The following RPS6KA2 variants were observed in gnomAD, a reference collection of about 807,000 sequenced individuals.
RPS6KA2 encodes ribosomal protein S6 kinase alpha-2.
In RPS6KA2, 42 loss-of-function variants were observed where a neutral mutation model predicts 91.8. That is an observed-to-expected ratio of 0.46 (90% confidence interval 0.36 to 0.59). The LOEUF is 0.59. Among genes scored for constraint, RPS6KA2 ranks in the 20% least tolerant of loss-of-function variants. RPS6KA2 has a pLI of 0.00. For missense variants in RPS6KA2, 798 were observed against 978.5 expected (o/e 0.82, Z 2.46); for synonymous variants, 414 against 393.6 (o/e 1.05, Z -0.61).
intron 1 of RPS6KA2, among the ~76,000 whole-genome samples, chr6:166,610,270 G>C (rs1414501377): frequency 6.6e-6 from 1 of 152,222 alleles, no homozygotes; most frequent in East Asian, 1.9e-4. Flanking sequence ...CAGTAGCACA[G>C]AAGGTAAATG....
intron 2 of RPS6KA2, among the ~76,000 whole-genome samples, chr6:166,795,951 G>T: frequency 6.6e-6 from 1 of 152,206 alleles, no homozygotes; most frequent in Non-Finnish European, 1.5e-5. Flanking sequence ...AGATGCTGTG[G>T]GGACCCACTT....
rs529804469 is a variant in RPS6KA2, at chr6:166,685,753, G to T, written c.124-146969C>A. Reference sequence around the variant, plus strand: ...CCTTGTAGGACTGAGGTTCAAGCTGGGTTCACACAGCCAGGTACTTGGTGC... The same window carrying T: ...CCTTGTAGGACTGAGGTTCAAGCTGTGTTCACACAGCCAGGTACTTGGTGC... On this transcript the variant is annotated intron_variant, in intron 2 of 21. Transcript: ENST00000503859. 5.3e-5 allele frequency among the ~76,000 whole-genome samples: 8 copies of T among 152,266 alleles called. No individual in the cohort carries two copies. The South Asian group carries it at 1.7e-3, about 32-fold the overall frequency.
chr6:166,644,075 T>C (rs1427406139), intron 2 of RPS6KA2, among the ~76,000 whole-genome samples: 1 of 152,204 alleles, frequency 6.6e-6, no homozygotes, highest in Admixed American at 6.5e-5. Flanking sequence ...TGCCACAGGA[T>C]GGAAGTGCAG....
At chr6:166,581,935 G>A (rs1251429693) in intron 1 of RPS6KA2, among the ~76,000 whole-genome samples, 1 of 144,792 alleles carries the variant, frequency 6.9e-6, no homozygotes, top group Non-Finnish European at 1.5e-5. Context: ...CTGGGCAGGA[G>A]GGCACAGGGA....
intron 1 of RPS6KA2, among the ~76,000 whole-genome samples, chr6:166,546,144 T>C (rs1416048671): frequency 6.6e-6 from 1 of 152,180 alleles, no homozygotes; most frequent in Non-Finnish European, 1.5e-5. Context: ...TAAAGACTCA[T>C]TACTAGCATC....
chr6:166,503,764 AAAC>A (rs539965228), intron 6 of RPS6KA2, among the ~76,000 whole-genome samples: 34 of 152,344 alleles, frequency 2.2e-4, no homozygotes, highest in African/African-American at 7.0e-4. Flanking sequence ...GAATATGTAA[AAAC>A]AACAACAACA....
intron 2 of RPS6KA2, among the ~76,000 whole-genome samples, chr6:166,703,515 T>C (rs1789592426): frequency 6.6e-6 from 1 of 152,236 alleles, no homozygotes; most frequent in Non-Finnish European, 1.5e-5. Flanking sequence ...TACCGTGTAG[T>C]TTATAATCAC....
intron 2 of RPS6KA2, among the ~76,000 whole-genome samples, chr6:166,717,408 C>T (rs915063967): frequency 1.3e-5 from 2 of 152,168 alleles, no homozygotes; most frequent in Admixed American, 1.3e-4. Flanking sequence ...AAGAGGCTGG[C>T]GCTGGGCACA....
chr6:166,569,145 G>A (rs911400304), intron 1 of RPS6KA2, among the ~76,000 whole-genome samples: 5 of 151,596 alleles, frequency 3.3e-5, no homozygotes, highest in African/African-American at 9.8e-5. Context: ...AGCATGTCCC[G>A]TATAATTATT....
intron 1 of RPS6KA2, among the ~76,000 whole-genome samples, chr6:166,591,116 G>T (rs1002034412): frequency 2.6e-5 from 4 of 152,228 alleles, no homozygotes; most frequent in African/African-American, 7.2e-5. Flanking sequence ...GTACAAAAAG[G>T]TTGCAGCCCA....
rs1289905085 is a variant in RPS6KA2, at chr6:166,448,357, C to T, written c.1332+367G>A. On this transcript the variant is annotated intron_variant, in intron 14 of 20. Coordinates refer to ENST00000265678, the MANE Select transcript of RPS6KA2 (RefSeq NM_021135.6). This position sits in a 1 kb window ranked among gnomAD's most constrained non-coding sequence, Gnocchi z 4.7. ...TTGGTGTATGTCATACACCAAGCTA[C>T]GAAAGGTGCTCAGTCCCTGCGTGGT... is the stretch of plus-strand genomic sequence containing the variant. 6.6e-6 allele frequency among the ~76,000 whole-genome samples: 1 copy of T among 152,146 alleles called. No homozygotes were observed. Among genetic ancestry groups the T allele is most frequent in the Admixed American group, 6.5e-5 (1 of 15,278 alleles).
intron 10 of RPS6KA2, among the ~76,000 whole-genome samples, chr6:166,479,972 C>A (rs1234670037): frequency 1.3e-5 from 2 of 152,108 alleles, no homozygotes; most frequent in African/African-American, 4.8e-5. Flanking sequence ...ACATAGTATC[C>A]CCTGTGTAGA....
At position 166,418,747 on chromosome 6, in the gene RPS6KA2, G is replaced by C. The variant is rs866776157; in HGVS notation, c.1821-405C>G. ...TTCCCAACTCTGTGTTCTTTGACAAGTTAACTTTTTGAGCCTCCACTGCAA... is the reference window on the plus strand; with the variant it reads ...TTCCCAACTCTGTGTTCTTTGACAACTTAACTTTTTGAGCCTCCACTGCAA... On this transcript the variant is annotated intron_variant, in intron 18 of 20. Coordinates refer to ENST00000265678, the MANE Select transcript of RPS6KA2 (RefSeq NM_021135.6). The surrounding 1 kb of genome is among the most constrained non-coding windows in gnomAD (Gnocchi z 4.9). Among the ~76,000 whole-genome samples the C allele has an allele frequency of 2.0e-5, 3 of 152,268 alleles. No homozygotes were observed. The highest frequency in any genetic ancestry group is 7.2e-5 in the African/African-American group (3 of 41,472).
intron 2 of RPS6KA2, among the ~76,000 whole-genome samples, chr6:166,832,636 C>G (rs75539067): frequency 0.13 from 19,739 of 152,092 alleles, 1,500 homozygotes; most frequent in East Asian, 0.28. Context: ...GCTGGGAGGT[C>G]GCAGTGCCCC....
chr6:166,713,342 A>G (rs1390482878), intron 2 of RPS6KA2, among the ~76,000 whole-genome samples: 1 of 152,230 alleles, frequency 6.6e-6, no homozygotes, highest in East Asian at 1.9e-4. Flanking sequence ...TTGTTTTAAT[A>G]AAGTCATGCT....
chr6:166,490,891 G>A lies in RPS6KA2; in HGVS notation c.748-150C>T. ...TTGTAGCCACTGGCCTACGTGCTTG[G>A]GGTACAACAGTGACTAAAACTGCCT... On this transcript the variant is annotated intron_variant, in intron 8 of 20. Coordinates refer to ENST00000265678, the MANE Select transcript of RPS6KA2 (RefSeq NM_021135.6). This position sits in a 1 kb window ranked among gnomAD's most constrained non-coding sequence, Gnocchi z 4.2. 1.6e-6 allele frequency: 1 copy of A among 622,416 alleles called. No individual in the cohort carries two copies. Among genetic ancestry groups the A allele is most frequent in the South Asian group, 2.0e-5 (1 of 49,114 alleles). 38.6% of individuals were successfully genotyped at this position (622,416 alleles called of 1,614,324 possible). A position where few individuals can be genotyped will look rare whatever the true frequency, so the allele number is the denominator to read the frequency against.
In RPS6KA2 at chr6:166,586,009, T is replaced by G. The variant is rs541419885; in HGVS notation, c.99+40912A>C. On this transcript the variant is annotated intron_variant, in intron 1 of 20. Coordinates refer to ENST00000265678, the MANE Select transcript of RPS6KA2 (RefSeq NM_021135.6). ...TTTTAAAGTCTCAACTTCCAAAAAA[T>G]CAATAATCCATTCTGTAAAATCAGA... 2.8e-4 allele frequency: 155 copies of G among 552,356 alleles called. 13 individuals carry two copies. In the African/African-American group the frequency reaches 8.5e-3, roughly 30 times the overall value. The allele number at this position is 552,356 out of a possible 1,614,324, so 34.2% of individuals were successfully genotyped here.
chr6:166,470,592 C>T (rs1385002668), intron 10 of RPS6KA2, among the ~76,000 whole-genome samples: 1 of 152,158 alleles, frequency 6.6e-6, no homozygotes, highest in African/African-American at 2.4e-5. Flanking sequence ...CGCTGGGGGC[C>T]CTTTCAGGCA....
chr6:166,572,511 T>C (rs1362441322), intron 1 of RPS6KA2, among the ~76,000 whole-genome samples: 3 of 152,268 alleles, frequency 2.0e-5, no homozygotes, highest in Non-Finnish European at 2.9e-5. Flanking sequence ...TTTAGCTCTT[T>C]CCTCACAGTA....
Sources: allele counts gnomAD v4.1 joint callset (sites outside exome capture counted in the v4.1 genomes callset), GRCh38; gene constraint gnomAD v4.1.1; non-coding constraint Gnocchi (gnomAD v3.1); transcripts MANE v1.5; gene names NCBI Gene and HGNC (gene_info 2026-07-23, HGNC 2026-07-21).